Variants in BTRC observed in about 807,000 individuals in gnomAD.
BTRC encodes the protein beta-transducin repeat containing E3 ubiquitin protein ligase, also known as F-box/WD repeat-containing protein 1A.
In BTRC, 42 loss-of-function variants were observed where a neutral mutation model predicts 85.5. The observed-to-expected ratio is 0.49, with a 90% CI of 0.38 to 0.64. The LOEUF is 0.64. Ranked by LOEUF, BTRC falls within the 30% of genes least tolerant of loss-of-function variation. The pLI is 0.00. For synonymous variants in BTRC, 255 were observed against 263.3 expected (o/e 0.97, Z 0.30); for missense variants, 594 against 743.5 (o/e 0.80, Z 2.34).
At chr10:101,492,909 CATT>C (rs1946170644) in intron 4 of BTRC, among the ~76,000 whole-genome samples, 1 of 152,042 alleles carries the variant, frequency 6.6e-6, no homozygotes, top group East Asian at 1.9e-4. Context: ...ACTGTCTCAA[CATT>C]ATAACATTAT....
In BTRC at chr10:101,450,400, G is replaced by A. The variant is rs75611433; in HGVS notation, c.157-11581G>A. Among the ~76,000 whole-genome samples, 389 of 152,274 alleles carry A rather than the reference G, an allele frequency of 2.6e-3. 6 individuals carry two copies. In the East Asian group the frequency reaches 0.029, roughly 11 times the overall value. ...ATTTTCGGTGACTTGAAAGTTAAGA[G>A]AAAGCAGCACTGCTCATTCATGCCC... On this transcript the variant is annotated intron_variant, in intron 2 of 14. Transcript: ENST00000370187.
At chr10:101,488,518 A>G (rs979173337) in intron 4 of BTRC, among the ~76,000 whole-genome samples, 1 of 152,206 alleles carries the variant, frequency 6.6e-6, no homozygotes, top group Non-Finnish European at 1.5e-5. Flanking sequence ...ATCAAATGGT[A>G]TTAGGCTATA....
chr10:101,520,323 G>A (rs533848566), intron 4 of BTRC, among the ~76,000 whole-genome samples: 2 of 152,066 alleles, frequency 1.3e-5, no homozygotes, highest in African/African-American at 4.8e-5. Flanking sequence ...AAAATGCTGG[G>A]ATTACAGGTA....
chr10:101,365,497 C>T (rs1304380952), intron 1 of BTRC, among the ~76,000 whole-genome samples: 6 of 148,290 alleles, frequency 4.0e-5, no homozygotes, highest in South Asian at 2.1e-4. Flanking sequence ...TTTTTTGAGA[C>T]GAAGTTTCGC....
chr10:101,467,345 T>C (rs201810430), intron 3 of BTRC, among the ~76,000 whole-genome samples: 1,947 of 145,890 alleles, frequency 0.013, 23 homozygotes, highest in Non-Finnish European at 0.016. Flanking sequence ...TTTTTTTTTT[T>C]CTCTCTATTT....
intron 2 of BTRC, among the ~76,000 whole-genome samples, chr10:101,441,522 C>G (rs1944677146): frequency 6.6e-6 from 1 of 152,216 alleles, no homozygotes; most frequent in African/African-American, 2.4e-5. Flanking sequence ...TCCCTGATCA[C>G]TACCATTATT....
intron 4 of BTRC, among the ~76,000 whole-genome samples, chr10:101,489,839 G>C (rs189514653): frequency 6.6e-6 from 1 of 152,012 alleles, no homozygotes; most frequent in Non-Finnish European, 1.5e-5. Flanking sequence ...GTTTTTGAAG[G>C]CATCTTTTTT....
intron 4 of BTRC, among the ~76,000 whole-genome samples, chr10:101,520,764 C>G (rs1489050923): frequency 6.6e-6 from 1 of 152,092 alleles, no homozygotes; most frequent in Non-Finnish European, 1.5e-5. Flanking sequence ...TCAAGACCAG[C>G]CTGTCCAACA....
At chr10:101,546,362 A>T (rs2062558045) in intron 13 of BTRC, among the ~76,000 whole-genome samples, 1 of 152,186 alleles carries the variant, frequency 6.6e-6, no homozygotes, top group South Asian at 2.1e-4. Context: ...CCTCTAAATA[A>T]CACGTAGGTC....
At chr10:101,446,842 C>T (rs892327342) in intron 2 of BTRC, among the ~76,000 whole-genome samples, 2 of 152,170 alleles carry the variant, frequency 1.3e-5, no homozygotes, top group Non-Finnish European at 2.9e-5. Flanking sequence ...TTTCTTCCCT[C>T]TATCCCCCAA....
At chr10:101,523,372 G>C (rs1564824477) in intron 5 of BTRC, among the ~76,000 whole-genome samples, 1 of 152,076 alleles carries the variant, frequency 6.6e-6, no homozygotes, top group Non-Finnish European at 1.5e-5. Flanking sequence ...TGGTTTTTCT[G>C]AATGCTTAAG....
chr10:101,523,195 C>T lies in BTRC; in HGVS notation c.556+1325C>T, dbSNP rs1298633952. 4.6e-5 allele frequency among the ~76,000 whole-genome samples: 7 copies of T among 152,020 alleles called. No individual in the cohort carries two copies. The East Asian group carries it at 1.4e-3, about 29-fold the overall frequency. On this transcript the variant is annotated intron_variant, in intron 5 of 14. Coordinates refer to ENST00000370187, the MANE Select transcript of BTRC (RefSeq NM_033637.4). ...TTCCAGACTGGGCGACAGGGCGAGA[C>T]TCCATCTCAGAAAATAAATAAATAA...
Position 101,479,380 on chromosome 10 carries a change from T to TG in BTRC, c.248dup (p.Cys83TrpfsTer21). The TG allele has an allele frequency of 6.2e-7, 1 of 1,612,780 alleles. No homozygotes were observed. Among genetic ancestry groups the TG allele is most frequent in the Non-Finnish European group, 8.5e-7 (1 of 1,179,072 alleles). On this transcript the variant is annotated frameshift_variant, in exon 4 of 15. Coordinates refer to ENST00000370187, the MANE Select transcript of BTRC (RefSeq NM_033637.4). LOFTEE classifies it high-confidence loss of function. Reference sequence around the variant, plus strand: ...ATTCTCTTTACAGACATACAACAGCTGTGCCAGACTCTGCTTAAACCAAGA... The same window carrying TG: ...ATTCTCTTTACAGACATACAACAGCTGGTGCCAGACTCTGCTTAAACCAAGA...
intron 1 of BTRC, among the ~76,000 whole-genome samples, chr10:101,356,729 T>C (rs1451423275): frequency 6.6e-6 from 1 of 152,178 alleles, no homozygotes; most frequent in Non-Finnish European, 1.5e-5. Flanking sequence ...TGAGATTGGG[T>C]ATTCTCTTTC....
chr10:101,532,880 G>T (rs537038909), intron 8 of BTRC, 72 bp from the exon 9 acceptor site: 4 of 1,203,858 alleles, frequency 3.3e-6, no homozygotes, highest in South Asian at 1.2e-5. Context: ...GATCAGACAC[G>T]TAATAGGACC....
At position 101,531,675 on chromosome 10, in the gene BTRC, C is replaced by T. The variant is rs138113862; in HGVS notation, c.840+342C>T. 5.2e-4 allele frequency among the ~76,000 whole-genome samples: 79 copies of T among 151,998 alleles called. No individual in the cohort carries two copies. In the East Asian group the frequency reaches 7.7e-3, roughly 15 times the overall value. ...GGCACATGTTGCAGTGAGCCAAGAT[C>T]GCACCACTGCACTCCCTCCTGAACG... On this transcript the variant is annotated intron_variant, in intron 7 of 14. Transcript: ENST00000370187.
chr10:101,509,945 A>G (rs533233022), intron 4 of BTRC, among the ~76,000 whole-genome samples: 1 of 151,508 alleles, frequency 6.6e-6, no homozygotes, highest in East Asian at 2.0e-4. Context: ...AGACAGGTGG[A>G]TCACGAGATC....
At chr10:101,453,994 A>G (rs1349325849) in intron 2 of BTRC, among the ~76,000 whole-genome samples, 2 of 152,240 alleles carry the variant, frequency 1.3e-5, no homozygotes, top group African/African-American at 4.8e-5. Flanking sequence ...CTTTATTTGC[A>G]AAAATATGTG....
intron 1 of BTRC, among the ~76,000 whole-genome samples, chr10:101,384,387 C>T (rs1461670382): frequency 6.6e-6 from 1 of 152,346 alleles, no homozygotes; most frequent in Non-Finnish European, 1.5e-5. Flanking sequence ...AATTTCACGC[C>T]CTGATTAGTG....
Sources: gnomAD v4.1 joint callset for allele counts (sites outside exome capture counted in the v4.1 genomes callset) on GRCh38, gnomAD v4.1.1 for gene constraint, MANE v1.5 for transcripts, NCBI Gene and HGNC (gene_info 2026-07-23, HGNC 2026-07-21) for gene names.